Variants in XPO1 observed in about 807,000 individuals in gnomAD.
XPO1 encodes the protein exportin 1, also known as exportin-1.
In XPO1, 5 loss-of-function variants were observed where a neutral mutation model predicts 133.3. The ratio of observed to expected loss-of-function variants is 0.04; its 90% CI spans 0.02 to 0.08. The LOEUF (loss-of-function observed/expected upper bound fraction) is 0.08. Ranked by LOEUF, XPO1 falls within the 10% of genes least tolerant of loss-of-function variation. The pLI is 1.00. For synonymous variants in XPO1, 419 were observed against 408.2 expected (o/e 1.03, Z -0.32); for missense variants, 506 against 1,267.5 (o/e 0.40, Z 9.12).
intron 4 of XPO1, among the ~76,000 whole-genome samples, chr2:61,511,214 C>A (rs1297398260): frequency 1.3e-5 from 2 of 151,960 alleles, no homozygotes; most frequent in African/African-American, 4.8e-5. Flanking sequence ...ACCTCCACCT[C>A]CCAGGTTTAA....
chr2:61,482,154 A>T (rs1310844754), intron 23 of XPO1, among the ~76,000 whole-genome samples: 1 of 151,660 alleles, frequency 6.6e-6, no homozygotes, highest in Admixed American at 6.6e-5. Flanking sequence ...GGATGCAAAC[A>T]ACCCTCTCGC....
chr2:61,532,007 G>C (rs1340195433), intron 2 of XPO1, among the ~76,000 whole-genome samples: 2 of 152,132 alleles, frequency 1.3e-5, no homozygotes, highest in African/African-American at 4.8e-5. Flanking sequence ...TTTCATAAGG[G>C]AATGGAAACA....
chr2:61,501,856 C>A (rs1697543463), intron 6 of XPO1, 140 bp downstream of exon 6: 4 of 631,786 alleles, frequency 6.3e-6, no homozygotes, highest in Non-Finnish European at 1.1e-5. Context: ...AAGTACTAGA[C>A]AGTAGGTTAC....
At chr2:61,481,400 C>A (rs572558399) in intron 23 of XPO1, 119 bp from the exon 24 acceptor site, 1 of 522,734 alleles carries the variant, frequency 1.9e-6, no homozygotes, top group Non-Finnish European at 3.1e-6. Flanking sequence ...TCTCTGCCTC[C>A]CGGGTTCAAG....
intron 4 of XPO1, among the ~76,000 whole-genome samples, chr2:61,518,418 AC>A (rs1698513980): frequency 3.4e-3 from 15 of 4,370 alleles, no homozygotes; most frequent in African/African-American, 0.029. Context: ...AAAAAACAAA[AC>A]ACACACACAC....
chr2:61,535,135 C>T (rs894432662), intron 1 of XPO1, among the ~76,000 whole-genome samples: 20 of 152,194 alleles, frequency 1.3e-4, no homozygotes, highest in African/African-American at 4.8e-4. Flanking sequence ...AAGATGCTGG[C>T]ACACATCCAC....
At position 61,530,574 on chromosome 2, in the gene XPO1, T is replaced by C. The variant is rs577286385; in HGVS notation, c.126+3198A>G. ...TTCTAGCTGTCTACTTGGCTAAAAA[T>C]AGAAAAATGCTGATAACAGAGGGTA... On this transcript the variant is annotated intron_variant, in intron 2 of 24. Transcript: ENST00000401558. 1.2e-3 allele frequency among the ~76,000 whole-genome samples: 177 copies of C among 152,210 alleles called. 1 individual carries two copies. Among genetic ancestry groups the C allele is most frequent in the African/African-American group, 4.1e-3 (169 of 41,534 alleles).
intron 4 of XPO1, among the ~76,000 whole-genome samples, chr2:61,516,957 G>A (rs1698421995): frequency 6.6e-6 from 1 of 152,012 alleles, no homozygotes; most frequent in Non-Finnish European, 1.5e-5. Context: ...AGGCTGGAGT[G>A]CAGTCGTGCT....
In XPO1 at chr2:61,522,681, G is replaced by A. The variant is rs1698750903; in HGVS notation, c.231C>T (p.Tyr77=). 1 of 1,611,918 alleles carries A rather than the reference G, an allele frequency of 6.2e-7. No homozygotes were observed. The highest frequency in any genetic ancestry group is 1.1e-5 in the South Asian group (1 of 90,976). ...CATTTTCCAAAATTTGTAGTCCATA[G>A]TACTGAAAATTGGAGAATAGAAGCA... The part of the protein sequence containing the change: ...LEFSQNMNTK[Y]YGLQILENVI... Residue 77 remains tyrosine (Y), a splice_region_variant and synonymous_variant, in exon 4 of 25, where the codon TAC becomes TAT. Coordinates refer to ENST00000401558, the MANE Select transcript of XPO1 (RefSeq NM_003400.4).
chr2:61,536,821 T>A (rs748194957), intron 1 of XPO1: 1 of 152,516 alleles, frequency 6.6e-6, no homozygotes, highest in African/African-American at 2.4e-5. Flanking sequence ...GAGCCAGTAC[T>A]GAATGCTTCC....
chr2:61,494,127 A>AC, intron 11 of XPO1, 36 bp from the exon 12 acceptor site: 3 of 1,567,640 alleles, frequency 1.9e-6, no homozygotes, highest in Non-Finnish European at 2.6e-6. Context: ...AATAATTCTT[A>AC]AACATTACCA....
chr2:61,531,227 T>C (rs181163040), intron 2 of XPO1, among the ~76,000 whole-genome samples: 1 of 152,344 alleles, frequency 6.6e-6, no homozygotes, highest in Admixed American at 6.5e-5. Flanking sequence ...AAGCTCTAAA[T>C]CTTGTTTCTT....
chr2:61,508,244 G>A (rs1029793597), intron 4 of XPO1, among the ~76,000 whole-genome samples: 2 of 152,026 alleles, frequency 1.3e-5, no homozygotes, highest in South Asian at 2.1e-4. Context: ...CAACAAAGTC[G>A]GTGGGTCAAA....
intron 4 of XPO1, among the ~76,000 whole-genome samples, chr2:61,515,149 G>GGGCA (rs1386611914): frequency 6.6e-6 from 1 of 151,882 alleles, no homozygotes; most frequent in African/African-American, 2.4e-5. Context: ...ATGTGAAGAG[G>GGGCA]GGCAGTGAAG....
intron 2 of XPO1, among the ~76,000 whole-genome samples, chr2:61,531,469 C>T (rs1314484308): frequency 6.6e-6 from 1 of 152,156 alleles, no homozygotes; most frequent in Non-Finnish European, 1.5e-5. Flanking sequence ...AGCAGTATTG[C>T]TGTAATATAT....
intron 4 of XPO1, among the ~76,000 whole-genome samples, chr2:61,521,535 G>T (rs1238647385): frequency 6.6e-6 from 1 of 152,106 alleles, no homozygotes; most frequent in East Asian, 1.9e-4. Flanking sequence ...GTTGCCTCAG[G>T]TTTCTCAAAA....
chr2:61,486,823 T>G (rs1209882767), intron 19 of XPO1, among the ~76,000 whole-genome samples: 2 of 152,154 alleles, frequency 1.3e-5, no homozygotes, highest in Non-Finnish European at 2.9e-5. Flanking sequence ...ATTATTTTTT[T>G]GAAACTGAAT....
chr2:61,478,936 A>T lies in XPO1; in HGVS notation c.3100T>A (p.Phe1034Ile). ...AGGGCTATTTCTCTCTCTTCCAAAAACAAATCAGAAGTGTCTTCACCTGCA... is the reference window on the plus strand; with the variant it reads ...AGGGCTATTTCTCTCTCTTCCAAAATCAAATCAGAAGTGTCTTCACCTGCA... ...EFAGEDTSDL[F>I]LEEREIALRQ... Residue 1034 changes from phenylalanine (F) to isoleucine (I), a missense_variant, in exon 25 of 25, where the codon TTT (phenylalanine) becomes ATT (isoleucine). This residue lies in a region of XPO1 where 203 missense variants were observed against 365.9 expected (regional missense o/e 0.55). Transcript: ENST00000401558. 1 of 1,614,040 alleles carries T rather than the reference A, an allele frequency of 6.2e-7. No homozygotes were observed. Among genetic ancestry groups the T allele is most frequent in the Non-Finnish European group, 8.5e-7 (1 of 1,179,974 alleles).
intron 3 of XPO1, 41 bp from the exon 4 acceptor site, chr2:61,522,724 TAG>T: frequency 6.9e-7 from 1 of 1,443,160 alleles, no homozygotes; most frequent in Non-Finnish European, 9.7e-7. Context: ...ATATTGCTTA[TAG>T]GACTGGCAAC....
Sources: gnomAD v4.1 joint callset for allele counts (sites outside exome capture counted in the v4.1 genomes callset) on GRCh38, gnomAD v4.1.1 for gene constraint, gnomAD v4.1.1 regional missense constraint, MANE v1.5 for transcripts, NCBI Gene and HGNC (gene_info 2026-07-23, HGNC 2026-07-21) for gene names.